Variants in ERBB4 observed in about 807,000 individuals in gnomAD.
ERBB4 encodes the protein receptor tyrosine-protein kinase erbB-4.
In ERBB4, 42 loss-of-function variants were observed where a neutral mutation model predicts 158.0. The observed-to-expected ratio is 0.27, with a 90% confidence interval of 0.21 to 0.34. The LOEUF (loss-of-function observed/expected upper bound fraction) is 0.34. ERBB4 is among the 10% of genes least tolerant of loss of function. The pLI, the probability that ERBB4 is intolerant of heterozygous loss-of-function variation, is 1.00. For synonymous variants in ERBB4, 583 were observed against 558.7 expected, an observed-to-expected ratio of 1.04 and a Z score of -0.61; for missense variants, 1,333 against 1,624.1, an observed-to-expected ratio of 0.82 and a Z score of 3.08.
At chr2:211,890,453 G>T (rs2106183046) in intron 3 of ERBB4, among the ~76,000 whole-genome samples, 1 of 151,944 alleles carries the variant, frequency 6.6e-6, no homozygotes, top group African/African-American at 2.4e-5. Context: ...GCAAAATCAT[G>T]CCAAAATGTA....
intron 20 of ERBB4, among the ~76,000 whole-genome samples, chr2:211,481,822 T>G (rs1214073690): frequency 6.6e-6 from 1 of 152,154 alleles, no homozygotes; most frequent in Non-Finnish European, 1.5e-5. Flanking sequence ...GGCTTCTGGT[T>G]AAGATGGAGC....
intron 20 of ERBB4, among the ~76,000 whole-genome samples, chr2:211,443,347 C>A (rs982346946): frequency 2.6e-5 from 4 of 151,942 alleles, no homozygotes; most frequent in African/African-American, 9.7e-5. Context: ...AATTTTCAGG[C>A]TTACTTGCAT....
rs34430050 is a variant in ERBB4 at position 212,012,415 on chromosome 2, A to ATTT, written c.235-64802_235-64800dup. 1.5e-3 allele frequency among the ~76,000 whole-genome samples: 193 copies of ATTT among 126,574 alleles called. 2 individuals are homozygous for ATTT. Among genetic ancestry groups the ATTT allele is most frequent in the Middle Eastern group, 4.5e-3 (1 of 224 alleles). The allele number at this position is 126,574 out of a possible 152,430, so 83.0% of individuals were successfully genotyped here. Reference sequence around the variant, plus strand: ...TTCAGTGGACAATGCTAAGAACTGCATTTTTTTTTTTTTTTTTTTTTGACG... The same window carrying ATTT: ...TTCAGTGGACAATGCTAAGAACTGCATTTTTTTTTTTTTTTTTTTTTTTTGACG... On this transcript the variant is annotated intron_variant, in intron 2 of 27. Coordinates refer to ENST00000342788, the MANE Select transcript of ERBB4 (RefSeq NM_005235.3).
In ERBB4 at chr2:211,980,459, T is replaced by G. The variant is rs144298402; in HGVS notation, c.235-32843A>C. Among the ~76,000 whole-genome samples the G allele has an allele frequency of 8.4e-3, 1,272 of 152,296 alleles. 17 individuals are homozygous for G. The highest frequency in any genetic ancestry group is 0.028 in the African/African-American group (1,177 of 41,568). On this transcript the variant is annotated intron_variant, in intron 2 of 27. Transcript: ENST00000342788. ...ACTATGATATTTAATCAACATGATTTGCATTACCTCATGTGTTTACTTTTA... is the reference window on the plus strand; with the variant it reads ...ACTATGATATTTAATCAACATGATTGGCATTACCTCATGTGTTTACTTTTA...
intron 1 of ERBB4, among the ~76,000 whole-genome samples, chr2:212,444,832 A>G (rs2092318265): frequency 6.6e-6 from 1 of 152,120 alleles, no homozygotes. Context: ...GTGATCAGCC[A>G]GCTACCTGGT....
chr2:211,452,190 T>C (rs13414488), intron 20 of ERBB4, among the ~76,000 whole-genome samples: 1 of 124,340 alleles, frequency 8.0e-6, no homozygotes, highest in South Asian at 2.1e-4. Context: ...AACACTATTT[T>C]TTTTTGAGAT....
rs180695735 is a variant in ERBB4 at position 211,609,487 on chromosome 2, T to C, written c.2301+9690A>G. On this transcript the variant is annotated intron_variant, in intron 19 of 27. Transcript: ENST00000342788. ...ACTTTTTTGAACCTAAGCATAAGAA[T>C]GGACAATTTTCCCTGTATCTTTGGG... Among the ~76,000 whole-genome samples the C allele has an allele frequency of 5.7e-4, 87 of 152,324 alleles. No individual in the cohort carries two copies. In the Middle Eastern group the frequency reaches 0.01, roughly 18 times the overall value.
At chr2:212,233,718 G>C (rs2083746372) in intron 1 of ERBB4, among the ~76,000 whole-genome samples, 1 of 151,830 alleles carries the variant, frequency 6.6e-6, no homozygotes, top group South Asian at 2.1e-4. Flanking sequence ...ATAATATGTT[G>C]GTTTTATATT....
At chr2:211,767,991 C>T (rs926508871) in intron 4 of ERBB4, among the ~76,000 whole-genome samples, 1 of 152,212 alleles carries the variant, frequency 6.6e-6, no homozygotes, top group Non-Finnish European at 1.5e-5. Context: ...CAAGTACCTT[C>T]CACCTATGAG....
chr2:211,591,892 A>G lies in ERBB4; in HGVS notation c.2301+27285T>C, dbSNP rs73988606. ...TTTCCTCATTTTTAGGGTAATAATT[A>G]CAATACCTACCTTGTTGAGGTTGTG... On this transcript the variant is annotated intron_variant, in intron 19 of 27. Transcript: ENST00000342788. 6.9e-3 allele frequency among the ~76,000 whole-genome samples: 1,045 copies of G among 151,916 alleles called. 16 individuals are homozygous for G. The highest frequency in any genetic ancestry group is 0.023 in the African/African-American group (940 of 41,192).
intron 4 of ERBB4, among the ~76,000 whole-genome samples, chr2:211,765,618 G>A (rs1559498437): frequency 6.6e-6 from 1 of 152,050 alleles, no homozygotes; most frequent in Non-Finnish European, 1.5e-5. Flanking sequence ...GCAGATTCCT[G>A]TCCAGTATAC....
chr2:211,620,905 A>G (rs571226945), intron 18 of ERBB4, among the ~76,000 whole-genome samples: 144 of 152,096 alleles, frequency 9.5e-4, no homozygotes, highest in African/African-American at 3.3e-3. Context: ...CAGGAGTTCA[A>G]GACCAGCATA....
At chr2:211,942,267 T>C (rs1012692595) in intron 3 of ERBB4, among the ~76,000 whole-genome samples, 2 of 152,140 alleles carry the variant, frequency 1.3e-5, no homozygotes, top group Non-Finnish European at 2.9e-5. Context: ...TCAAGTGTAA[T>C]GTTCAGATAT....
chr2:211,484,443 C>G (rs150483358), intron 20 of ERBB4, among the ~76,000 whole-genome samples: 191 of 152,140 alleles, frequency 1.3e-3, no homozygotes, highest in African/African-American at 4.5e-3. Flanking sequence ...GATAACACTT[C>G]TATATCCTGC....
intron 1 of ERBB4, among the ~76,000 whole-genome samples, chr2:212,146,780 A>T (rs17416443): frequency 0.055 from 8,327 of 152,114 alleles, 401 homozygotes; most frequent in South Asian, 0.23. Flanking sequence ...ACATCTTTAG[A>T]TTTATTTTCT....
chr2:212,104,488 T>C (rs1399367488), intron 2 of ERBB4, among the ~76,000 whole-genome samples: 2 of 152,118 alleles, frequency 1.3e-5, no homozygotes, highest in Admixed American at 6.5e-5. Flanking sequence ...ATATAATACA[T>C]GCACATAGAA....
intron 1 of ERBB4, among the ~76,000 whole-genome samples, chr2:212,150,556 G>A (rs996861666): frequency 6.6e-6 from 1 of 151,412 alleles, no homozygotes; most frequent in Non-Finnish European, 1.5e-5. Flanking sequence ...TTTTTCCCTC[G>A]ATCCTCCTTT....
At chr2:212,286,125 A>C (rs1185767998) in intron 1 of ERBB4, among the ~76,000 whole-genome samples, 1 of 152,190 alleles carries the variant, frequency 6.6e-6, no homozygotes, top group Admixed American at 6.5e-5. Flanking sequence ...CCGAGATTTC[A>C]AAGCAAGAGG....
At chr2:211,942,577 T>C (rs1022911703) in intron 3 of ERBB4, among the ~76,000 whole-genome samples, 4 of 152,182 alleles carry the variant, frequency 2.6e-5, no homozygotes, top group East Asian at 1.9e-4. Context: ...TTCATTACTA[T>C]TGAGGGCTTC....
Sources: gnomAD v4.1 joint callset for allele counts (sites outside exome capture counted in the v4.1 genomes callset) on GRCh38, gnomAD v4.1.1 for gene constraint, MANE v1.5 for transcripts, NCBI Gene and HGNC (gene_info 2026-07-23, HGNC 2026-07-21) for gene names.